The following EIF2AK4 variants were observed in gnomAD, a reference collection of about 807,000 sequenced individuals.
EIF2AK4 encodes the protein eukaryotic translation initiation factor 2 alpha kinase 4.
EIF2AK4 carries 139 observed loss-of-function variants against 211.1 expected under a neutral mutation model. That is an observed-to-expected ratio of 0.66 (90% CI 0.57 to 0.76). EIF2AK4 has a LOEUF of 0.76. EIF2AK4 is among the 30% of genes least tolerant of loss of function. The probability of loss-of-function intolerance (pLI) is 0.00; values close to 1 mark genes in which losing one functional copy is unlikely to be tolerated. For missense variants in EIF2AK4, 1,664 were observed against 2,043.8 expected, an observed-to-expected ratio of 0.81 and a Z score of 3.58; for synonymous variants, 710 against 751.3, an observed-to-expected ratio of 0.94 and a Z score of 0.90.
At chr15:39,941,430 G>C (rs956426026) in intron 2 of EIF2AK4, among the ~76,000 whole-genome samples, 4 of 152,130 alleles carry the variant, frequency 2.6e-5, no homozygotes, top group Non-Finnish European at 4.4e-5. Flanking sequence ...TGTTGCTCAG[G>C]AAATTCCAAG....
chr15:39,967,752 GGGA>G lies in EIF2AK4; in HGVS notation c.1427_1429del (p.Gly476_Lys477delinsGlu). The G allele has an allele frequency of 6.2e-7, 1 of 1,614,138 alleles. No homozygotes were observed. Among genetic ancestry groups the G allele is most frequent in the Non-Finnish European group, 8.5e-7 (1 of 1,180,022 alleles). On this transcript the variant is annotated inframe_deletion, in exon 9 of 39. Transcript: ENST00000263791. Reference sequence around the variant, plus strand: ...TGACAATGCTCTGCCTTATAAAACGGGGAAGAAAGGAGATGTTTGGCGTCTTGG... The same window carrying G: ...TGACAATGCTCTGCCTTATAAAACGGAGAAAGGAGATGTTTGGCGTCTTGG...
chr15:39,986,554 G>GTGGCC (rs1273148399), intron 14 of EIF2AK4, among the ~76,000 whole-genome samples: 2 of 152,216 alleles, frequency 1.3e-5, no homozygotes, highest in Non-Finnish European at 2.9e-5. Flanking sequence ...CAGTAGAGGA[G>GTGGCC]TGGCCATAAA....
intron 9 of EIF2AK4, among the ~76,000 whole-genome samples, chr15:39,968,509 T>C (rs1433298230): frequency 6.6e-6 from 1 of 152,184 alleles, no homozygotes; most frequent in South Asian, 2.1e-4. Flanking sequence ...CCTGCCTCTG[T>C]TTTCAGTCCA....
At chr15:39,946,091 G>T (rs1208173543) in intron 3 of EIF2AK4, among the ~76,000 whole-genome samples, 2 of 152,218 alleles carry the variant, frequency 1.3e-5, no homozygotes, top group Non-Finnish European at 2.9e-5. Flanking sequence ...GTAGCCCATG[G>T]ATGAAGGAGT....
chr15:39,948,225 A>ATTATTTACCACCCTGTTAAGTCCC (rs2034256263), intron 3 of EIF2AK4, among the ~76,000 whole-genome samples: 1 of 152,220 alleles, frequency 6.6e-6, no homozygotes, highest in Non-Finnish European at 1.5e-5. Context: ...GACTTCTATT[A>ATTATTTACCACCCTGTTAAGTCCC]TTATTTACCA....
intron 7 of EIF2AK4, 70 bp from the exon 8 acceptor site, chr15:39,965,616 C>G (rs772659961): frequency 1.9e-6 from 3 of 1,553,998 alleles, no homozygotes; most frequent in South Asian, 2.4e-5. Flanking sequence ...TGTGTATTAC[C>G]CCCTCCCTTC....
intron 4 of EIF2AK4, among the ~76,000 whole-genome samples, chr15:39,952,330 G>A (rs545961543): frequency 1.7e-4 from 24 of 143,724 alleles, no homozygotes; most frequent in Non-Finnish European, 3.0e-4. Flanking sequence ...GTGCTCTGTC[G>A]CCCAGGCTGG....
chr15:39,953,929 A>G lies in EIF2AK4; in HGVS notation c.539A>G (p.Gln180Arg). 1 of 1,611,604 alleles carries G rather than the reference A, an allele frequency of 6.2e-7. No homozygotes were observed. Among genetic ancestry groups the G allele is most frequent in the East Asian group, 2.2e-5 (1 of 44,836 alleles). Residue 180 changes from glutamine to arginine, a missense_variant, in exon 5 of 39, where the codon CAG becomes CGG. This residue lies in a region of EIF2AK4 where 641 missense variants were observed against 729.6 expected (regional missense o/e 0.88). Transcript: ENST00000263791. ...QEQREILHEI[Q>R]RRKEEIKEEK... ...CAACGTGAAATCCTGCATGAGATTCAGAGAAGGAAAGAAGAGATAAAAGAA... is the reference window on the plus strand; with the variant it reads ...CAACGTGAAATCCTGCATGAGATTCGGAGAAGGAAAGAAGAGATAAAAGAA...
chr15:40,012,577 T>C (rs967466396), intron 27 of EIF2AK4, among the ~76,000 whole-genome samples: 2 of 152,060 alleles, frequency 1.3e-5, no homozygotes, highest in African/African-American at 4.8e-5. Flanking sequence ...ACAGAGAATC[T>C]GCACAAGACT....
At chr15:40,023,181 A>T (rs933034306) in intron 32 of EIF2AK4, among the ~76,000 whole-genome samples, 4 of 152,252 alleles carry the variant, frequency 2.6e-5, no homozygotes, top group African/African-American at 9.6e-5. Context: ...GAAAATAAGA[A>T]TAAGTAAAGT....
chr15:40,032,643 A>G (rs777070103), intron 36 of EIF2AK4, 114 bp from the exon 37 acceptor site: 60 of 904,522 alleles, frequency 6.6e-5, no homozygotes, highest in Non-Finnish European at 1.0e-4. Context: ...TTACAGCACA[A>G]TAGCATCTCA....
At chr15:40,017,979 C>T (rs763158840) in intron 29 of EIF2AK4, among the ~76,000 whole-genome samples, 14 of 152,188 alleles carry the variant, frequency 9.2e-5, no homozygotes, top group Non-Finnish European at 1.8e-4. Flanking sequence ...ACTATTCCAT[C>T]ACCACAGAGA....
intron 10 of EIF2AK4, 133 bp from the exon 11 acceptor site, chr15:39,973,459 C>A: frequency 1.1e-6 from 1 of 921,796 alleles, no homozygotes; most frequent in Non-Finnish European, 1.6e-6. Flanking sequence ...TTTTAAAAGG[C>A]CACTCAGGTA....
chr15:39,957,464 C>T (rs554336), intron 6 of EIF2AK4, among the ~76,000 whole-genome samples: 98,659 of 151,900 alleles, frequency 0.65, 33,291 homozygotes, highest in African/African-American at 0.83. Context: ...CTTGCTGAGC[C>T]CCTCCTTCTC....
At chr15:39,937,669 C>T (rs995304687) in intron 1 of EIF2AK4, among the ~76,000 whole-genome samples, 2 of 151,492 alleles carry the variant, frequency 1.3e-5, no homozygotes, top group Non-Finnish European at 2.9e-5. Context: ...TTACTTTTAA[C>T]TTGTTCATGA....
In EIF2AK4 at chr15:40,017,018, G is replaced by A. The variant is rs971368984; in HGVS notation, c.3931-90G>A. The A allele has an allele frequency of 2.7e-6, 4 of 1,497,148 alleles. No individual in the cohort carries two copies. In the East Asian group the frequency reaches 9.1e-5, roughly 34 times the overall value. 92.7% of individuals were successfully genotyped at this position (1,497,148 alleles called of 1,614,324 possible). A position where few individuals can be genotyped will look rare whatever the true frequency, so the allele number is the denominator to read the frequency against. ...TTTATGCTAAATAGATTGTTCTGAT[G>A]CTATTGATGGGAAACACCATTTTCA... On this transcript the variant is annotated intron_variant, in intron 28 of 38. Coordinates refer to ENST00000263791, the MANE Select transcript of EIF2AK4 (RefSeq NM_001013703.4).
intron 4 of EIF2AK4, 111 bp downstream of exon 4, chr15:39,949,379 T>A: frequency 6.8e-7 from 1 of 1,460,340 alleles, no homozygotes; most frequent in South Asian, 1.4e-5. Context: ...TTGCTCAGCC[T>A]TTGATTCAAG....
rs113323207 is a variant in EIF2AK4 at position 40,008,346 on chromosome 15, T to C, written c.3576+151T>C. ...AGTAACTGAGAAGAGCTTGCTGGTG[T>C]TGCTTTTGAGGTTCAGCTCAGGCTC... is the stretch of plus-strand genomic sequence containing the variant. On this transcript the variant is annotated intron_variant, in intron 25 of 38. Coordinates refer to ENST00000263791, the MANE Select transcript of EIF2AK4 (RefSeq NM_001013703.4). The C allele has an allele frequency of 7.2e-3, 5,652 of 790,352 alleles. 246 individuals carry two copies. The African/African-American group carries it at 0.092, about 13-fold the overall frequency. The allele number at this position is 790,352 out of a possible 1,614,324, so 49.0% of individuals were successfully genotyped here. A position where few individuals can be genotyped will look rare whatever the true frequency, so the allele number is the denominator to read the frequency against.
At chr15:39,982,377 G>T (rs1365998006) in intron 13 of EIF2AK4, among the ~76,000 whole-genome samples, 1 of 152,170 alleles carries the variant, frequency 6.6e-6, no homozygotes, top group African/African-American at 2.4e-5. Flanking sequence ...ATGGTTATCA[G>T]CGGTAAGAAA....
Sources: gnomAD v4.1 joint callset for allele counts (sites outside exome capture counted in the v4.1 genomes callset) on GRCh38, gnomAD v4.1.1 for gene constraint, gnomAD v4.1.1 regional missense constraint, MANE v1.5 for transcripts, NCBI Gene and HGNC (gene_info 2026-07-23, HGNC 2026-07-21) for gene names.